Variants in NETO1 observed in about 807,000 individuals in gnomAD.
NETO1 encodes the protein neuropilin and tolloid like 1.
A neutral mutation model predicts 61.3 loss-of-function variants in NETO1; 26 were observed. The observed-to-expected ratio is 0.42, with a 90% CI of 0.31 to 0.59. The LOEUF is 0.59. Ranked by LOEUF, NETO1 falls within the 20% of genes least tolerant of loss-of-function variation. The pLI, the probability that NETO1 is intolerant of heterozygous loss-of-function variation, is 0.12. For synonymous variants in NETO1, 225 were observed against 225.8 expected (o/e 1.00, Z 0.03); for missense variants, 531 against 662.8 (o/e 0.80, Z 2.18).
chr18:72,844,496 T>C (rs1460635777), intron 4 of NETO1, among the ~76,000 whole-genome samples: 1 of 152,224 alleles, frequency 6.6e-6, no homozygotes, highest in Non-Finnish European at 1.5e-5. Flanking sequence ...TCCAGAGTTG[T>C]TCGCAATCTG....
Position 72,830,481 on chromosome 18 carries a change from A to C in NETO1, c.469+28345T>G, listed in dbSNP as rs957264074. Reference sequence around the variant, plus strand: ...GGCATCTAAACAAGGAGTCCAAAAAACAAACACAAATGACAAAAATAACAA... The same window carrying C: ...GGCATCTAAACAAGGAGTCCAAAAACCAAACACAAATGACAAAAATAACAA... On this transcript the variant is annotated intron_variant, in intron 4 of 10. Coordinates refer to ENST00000327305, the MANE Select transcript of NETO1 (RefSeq NM_138966.5). This position sits in a 1 kb window ranked among gnomAD's most constrained non-coding sequence, Gnocchi z 4.9. 6.6e-6 allele frequency among the ~76,000 whole-genome samples: 1 copy of C among 152,170 alleles called. No homozygotes were observed.
At chr18:72,763,759 T>C (rs1260720432) in intron 7 of NETO1, among the ~76,000 whole-genome samples, 1 of 152,124 alleles carries the variant, frequency 6.6e-6, no homozygotes, top group Non-Finnish European at 1.5e-5. Context: ...CAAACACGTA[T>C]GGAAAAGCAG....
intron 1 of NETO1, chr18:72,866,717 A>G: frequency 1.0e-6 from 1 of 986,590 alleles, no homozygotes; most frequent in Non-Finnish European, 1.2e-6. Context: ...ATTCCTTCCC[A>G]CCTCTACACT....
chr18:72,851,283 T>C (rs1307217549), intron 4 of NETO1, among the ~76,000 whole-genome samples: 1 of 152,076 alleles, frequency 6.6e-6, no homozygotes, highest in Non-Finnish European at 1.5e-5. Flanking sequence ...TGGTGGCGCA[T>C]GCTTGTAATC....
At chr18:72,867,182 CT>C in intron 1 of NETO1, 81 bp downstream of exon 1, 2 of 1,121,588 alleles carry the variant, frequency 1.8e-6, no homozygotes, top group Non-Finnish European at 1.2e-6. Context: ...GGCGCAGAGG[CT>C]TTTCCTGCGC....
intron 4 of NETO1, among the ~76,000 whole-genome samples, chr18:72,856,312 A>C (rs1490577747): frequency 6.6e-6 from 1 of 152,144 alleles, no homozygotes; most frequent in Admixed American, 6.5e-5. Flanking sequence ...TAAAGTAACT[A>C]AATTTCATAG....
At chr18:72,777,348 G>C (rs12968978) in intron 7 of NETO1, among the ~76,000 whole-genome samples, 43,773 of 150,582 alleles carry the variant, frequency 0.29, 7,701 homozygotes, top group South Asian at 0.41. Context: ...AACCCGGGAG[G>C]GGGGAGGTTG....
At chr18:72,810,224 C>T (rs2072820649) in intron 4 of NETO1, among the ~76,000 whole-genome samples, 1 of 152,120 alleles carries the variant, frequency 6.6e-6, no homozygotes, top group South Asian at 2.1e-4. Context: ...TATTTGTCTC[C>T]TTTGTACTTA....
chr18:72,811,800 G>T (rs530502201), intron 4 of NETO1, among the ~76,000 whole-genome samples: 276 of 152,172 alleles, frequency 1.8e-3, no homozygotes, highest in African/African-American at 6.1e-3. Flanking sequence ...GTGAGACCCT[G>T]TCTGAAAGAA....
Position 72,830,566 on chromosome 18 carries a change from A to G in NETO1, c.469+28260T>C, listed in dbSNP as rs1374736165. On this transcript the variant is annotated intron_variant, in intron 4 of 10. Transcript: ENST00000327305. The surrounding 1 kb of genome is among the most constrained non-coding windows in gnomAD (Gnocchi z 4.9). ...TCAATGAACAGATGTATTACAGAAG[A>G]CTGCCAGAATTTTTTAGGAGCAGCT... Among the ~76,000 whole-genome samples the G allele has an allele frequency of 6.6e-6, 1 of 152,162 alleles. No homozygotes were observed. Among genetic ancestry groups the G allele is most frequent in the African/African-American group, 2.4e-5 (1 of 41,446 alleles).
At chr18:72,832,893 T>C (rs964117491) in intron 4 of NETO1, among the ~76,000 whole-genome samples, 2 of 151,948 alleles carry the variant, frequency 1.3e-5, no homozygotes, top group Non-Finnish European at 2.9e-5. Context: ...AGATACACTT[T>C]ATAAAAAATT....
rs1369176865 is a variant in NETO1 at position 72,830,187 on chromosome 18, G to C, written c.469+28639C>G. Among the ~76,000 whole-genome samples, 1 of 152,100 alleles carries C rather than the reference G, an allele frequency of 6.6e-6. No individual in the cohort carries two copies. Among genetic ancestry groups the C allele is most frequent in the Non-Finnish European group, 1.5e-5 (1 of 68,026 alleles). ...GCATGTAAGCCGTCCACAGCATAGA[G>C]GAAGCGGCGGCACAGGGAAGGAAGC... On this transcript the variant is annotated intron_variant, in intron 4 of 10. Coordinates refer to ENST00000327305, the MANE Select transcript of NETO1 (RefSeq NM_138966.5). The surrounding 1 kb of genome is among the most constrained non-coding windows in gnomAD (Gnocchi z 4.9).
intron 3 of NETO1, among the ~76,000 whole-genome samples, chr18:72,862,600 C>T (rs558533888): frequency 2.5e-4 from 38 of 150,666 alleles, no homozygotes; most frequent in African/African-American, 9.0e-4. Flanking sequence ...CCTGATCCAG[C>T]CACTCATGAT....
At chr18:72,831,903 CTCT>C (rs2073592887) in intron 4 of NETO1, among the ~76,000 whole-genome samples, 1 of 152,126 alleles carries the variant, frequency 6.6e-6, no homozygotes, top group African/African-American at 2.4e-5. Flanking sequence ...TCCTAGGTAA[CTCT>C]TCTAAGTGCT....
At position 72,756,084 on chromosome 18, in the gene NETO1, C is replaced by G; in HGVS notation, c.932G>C (p.Cys311Ser). ...SNMCINNTLV[C>S]NGLQNCVYPW... ...ATACACACAGTTCTGGAGTCCATTG[C>G]AGACCAAAGTATTATTAATACACAT... The change falls in exon 8 of 11, where the codon TGC (cysteine) becomes TCC (serine). Residue 311 changes from cysteine (C) to serine (S), a missense_variant. Transcript: ENST00000327305. The G allele has an allele frequency of 6.2e-7, 1 of 1,610,870 alleles. No homozygotes were observed. Among genetic ancestry groups the G allele is most frequent in the Non-Finnish European group, 8.5e-7 (1 of 1,177,408 alleles).
rs779535316 is a variant in NETO1 at position 72,858,863 on chromosome 18, T to C, written c.432A>G (p.Glu144=). The change falls in exon 4 of 11, where the codon GAA becomes GAG. Residue 144 remains glutamate, a synonymous_variant. Coordinates refer to ENST00000327305, the MANE Select transcript of NETO1 (RefSeq NM_138966.5). ...WIKFFADGEL[E]SMGFSARYNF... ...TGTATCGAGCTGAAAATCCCATAGA[T>C]TCCAGCTCTCCATCAGCAAAAAATT... 9 of 1,613,622 alleles carry C rather than the reference T, an allele frequency of 5.6e-6. No homozygotes were observed. The highest frequency in any genetic ancestry group is 7.6e-6 in the Non-Finnish European group (9 of 1,179,814).
At chr18:72,827,714 C>T (rs2073427034) in intron 4 of NETO1, among the ~76,000 whole-genome samples, 1 of 93,664 alleles carries the variant, frequency 1.1e-5, no homozygotes, top group Admixed American at 1.1e-4. Flanking sequence ...GAGACCCTGT[C>T]TCAAAAAAAA....
intron 4 of NETO1, among the ~76,000 whole-genome samples, chr18:72,832,673 G>A (rs1374852697): frequency 2.0e-5 from 3 of 152,168 alleles, no homozygotes; most frequent in Non-Finnish European, 4.4e-5. Flanking sequence ...TGTTTGACTA[G>A]ACTAACCCAA....
chr18:72,785,167 A>G (rs1032105), intron 6 of NETO1, among the ~76,000 whole-genome samples: 52,282 of 152,136 alleles, frequency 0.34, 9,334 homozygotes, highest in Admixed American at 0.47. Flanking sequence ...CATGGCATTC[A>G]AGCAAACATC....
Sources: gnomAD v4.1 joint callset for allele counts (sites outside exome capture counted in the v4.1 genomes callset) on GRCh38, gnomAD v4.1.1 for gene constraint, Gnocchi (gnomAD v3.1) non-coding constraint, MANE v1.5 for transcripts, NCBI Gene and HGNC (gene_info 2026-07-23, HGNC 2026-07-21) for gene names.